PPP6R2: variants seen among roughly 807,000 people sequenced by gnomAD.
PPP6R2 encodes protein phosphatase 6 regulatory subunit 2.
PPP6R2 carries 62 observed loss-of-function variants against 100.2 expected under a neutral mutation model. That is an observed-to-expected ratio of 0.62 (90% CI 0.50 to 0.76). The LOEUF (loss-of-function observed/expected upper bound fraction) is 0.76, where lower values mean the gene tolerates loss of function less well. Ranked by LOEUF, PPP6R2 falls within the 30% of genes least tolerant of loss-of-function variation. PPP6R2 has a pLI of 0.00. For synonymous variants in PPP6R2, 525 were observed against 514.7 expected (o/e 1.02, Z -0.27); for missense variants, 1,142 against 1,276.3 (o/e 0.89, Z 1.60).
chr22:50,370,494 G>C (rs12166420), intron 1 of PPP6R2, among the ~76,000 whole-genome samples: 2 of 151,456 alleles, frequency 1.3e-5, no homozygotes, highest in South Asian at 2.1e-4. Flanking sequence ...TCACTATGTT[G>C]GCCAGACTGG....
At chr22:50,398,492 T>TA (rs2148993671) in intron 3 of PPP6R2, among the ~76,000 whole-genome samples, 1 of 147,648 alleles carries the variant, frequency 6.8e-6, no homozygotes, top group South Asian at 2.2e-4. Flanking sequence ...ATTTCTTTAT[T>TA]TAAAAAAAAA....
chr22:50,350,908 GACA>G (rs1401553986), intron 1 of PPP6R2, among the ~76,000 whole-genome samples: 2 of 151,532 alleles, frequency 1.3e-5, no homozygotes, highest in East Asian at 2.0e-4. Flanking sequence ...TAGCAGGCAT[GACA>G]ACATTAGTCT....
chr22:50,415,070 C>T (rs1329535217), intron 5 of PPP6R2, among the ~76,000 whole-genome samples: 1 of 152,208 alleles, frequency 6.6e-6, no homozygotes, highest in Non-Finnish European at 1.5e-5. Context: ...CAGGAGAGCC[C>T]CGGTGGACAG....
intron 1 of PPP6R2, among the ~76,000 whole-genome samples, chr22:50,369,588 A>T (rs10775809): frequency 0.21 from 32,583 of 151,898 alleles, 5,053 homozygotes; most frequent in African/African-American, 0.43. Flanking sequence ...GGAGTGGCTC[A>T]CTGCAACCTC....
Position 50,431,472 on chromosome 22 carries a change from T to A in PPP6R2, c.1335+90T>A. The A allele has an allele frequency of 8.3e-7, 1 of 1,206,520 alleles. No homozygotes were observed. Among genetic ancestry groups the A allele is most frequent in the Non-Finnish European group, 1.2e-6 (1 of 857,610 alleles). The allele number at this position is 1,206,520 out of a possible 1,614,324, so 74.7% of individuals were successfully genotyped here. A position where few individuals can be genotyped will look rare whatever the true frequency, so the allele number is the denominator to read the frequency against. On this transcript the variant is annotated intron_variant, in intron 11 of 23. Coordinates refer to ENST00000612753, the MANE Select transcript of PPP6R2 (RefSeq NM_001242898.2). This position sits in a 1 kb window ranked among gnomAD's most constrained non-coding sequence, Gnocchi z 4.8. ...AGCGCTGACGTGTGCCGGACCTCAC[T>A]GTGCAGCTGACACGGGGGCAGGGCT...
At chr22:50,413,323 T>G (rs920064554) in intron 4 of PPP6R2, among the ~76,000 whole-genome samples, 3 of 152,106 alleles carry the variant, frequency 2.0e-5, no homozygotes, top group African/African-American at 7.2e-5. Flanking sequence ...GGCATAAAAT[T>G]GTTTCTATTA....
the PPP6R2 span, among the ~76,000 whole-genome samples, chr22:50,337,473 AGT>A: frequency 1.3e-5 from 1 of 78,142 alleles, no homozygotes; most frequent in Non-Finnish European, 2.4e-5. Context: ...TAGTGTGTGT[AGT>A]GTTTGTCTGC....
At chr22:50,373,625 C>T (rs1306120679) in intron 2 of PPP6R2, among the ~76,000 whole-genome samples, 1 of 152,090 alleles carries the variant, frequency 6.6e-6, no homozygotes, top group East Asian at 1.9e-4. Context: ...GATCATAGCT[C>T]ACCACAACCA....
At chr22:50,371,606 TA>T (rs1466091185) in intron 1 of PPP6R2, among the ~76,000 whole-genome samples, 2 of 152,114 alleles carry the variant, frequency 1.3e-5, no homozygotes, top group East Asian at 3.8e-4. Context: ...GGACAGATAA[TA>T]AATGCTGTTC....
At chr22:50,438,512 T>C in intron 18 of PPP6R2, 87 bp from the exon 19 acceptor site, 1 of 1,512,396 alleles carries the variant, frequency 6.6e-7, no homozygotes, top group Non-Finnish European at 9.0e-7. Flanking sequence ...GTGCTCACCC[T>C]CAGCCCCGAG....
intron 10 of PPP6R2, among the ~76,000 whole-genome samples, chr22:50,427,660 C>A (rs537643506): frequency 6.6e-6 from 1 of 152,182 alleles, no homozygotes; most frequent in South Asian, 2.1e-4. Flanking sequence ...TCAAACAAGT[C>A]TCCTGCCTCA....
chr22:50,387,417 C>G (rs925953038), intron 2 of PPP6R2, among the ~76,000 whole-genome samples: 1 of 152,120 alleles, frequency 6.6e-6, no homozygotes, highest in East Asian at 1.9e-4. Flanking sequence ...CACTCCACCC[C>G]CTTTTTAAAG....
At chr22:50,435,709 G>A (rs770519211) in intron 13 of PPP6R2, among the ~76,000 whole-genome samples, 3 of 152,170 alleles carry the variant, frequency 2.0e-5, no homozygotes, top group Admixed American at 2.0e-4. Context: ...TTAGCCCCTG[G>A]CGAGGTCAGG....
chr22:50,358,832 C>CCATTGGAACCTTTGTTATAAA (rs1281936967), intron 1 of PPP6R2, among the ~76,000 whole-genome samples: 1 of 152,090 alleles, frequency 6.6e-6, no homozygotes, highest in Non-Finnish European at 1.5e-5. Context: ...CCATTCAATT[C>CCATTGGAACCTTTGTTATAAA]CATTGGAACC....
intron 1 of PPP6R2, among the ~76,000 whole-genome samples, chr22:50,368,600 T>C (rs1227908200): frequency 6.6e-6 from 1 of 152,200 alleles, no homozygotes; most frequent in Non-Finnish European, 1.5e-5. Flanking sequence ...ATTCTTACTT[T>C]ATATATTTTA....
chr22:50,332,759 T>G, the PPP6R2 span, among the ~76,000 whole-genome samples: 68,939 of 150,866 alleles, frequency 0.46, 16,828 homozygotes, highest in African/African-American at 0.64. Context: ...AAGTAGTGGG[T>G]ACTACAGGCA....
intron 1 of PPP6R2, among the ~76,000 whole-genome samples, chr22:50,353,369 A>T (rs935575899): frequency 6.6e-5 from 10 of 152,176 alleles, no homozygotes; most frequent in Non-Finnish European, 1.3e-4. Flanking sequence ...GGGAGCCCTG[A>T]GGAGAGGGGG....
intron 22 of PPP6R2, among the ~76,000 whole-genome samples, chr22:50,442,696 TC>T (rs2065963815): frequency 6.6e-6 from 1 of 151,964 alleles, no homozygotes; most frequent in Admixed American, 6.5e-5. Flanking sequence ...ACTACAGGCA[TC>T]CGCCACCACC....
intron 20 of PPP6R2, 36 bp from the exon 21 acceptor site, chr22:50,439,925 C>A: frequency 1.2e-6 from 2 of 1,610,814 alleles, no homozygotes; most frequent in South Asian, 2.2e-5. Context: ...GGCACCTGTC[C>A]CCCAGGACTG....
Sources: allele counts gnomAD v4.1 joint callset (sites outside exome capture counted in the v4.1 genomes callset), GRCh38; gene constraint gnomAD v4.1.1; non-coding constraint Gnocchi (gnomAD v3.1); transcripts MANE v1.5; gene names NCBI Gene and HGNC (gene_info 2026-07-23, HGNC 2026-07-21).